The following RBMS3 variants were observed in gnomAD, a reference collection of about 807,000 sequenced individuals.
The protein encoded by RBMS3 is RNA-binding motif, single-stranded-interacting protein 3.
In RBMS3, 27 loss-of-function variants were observed where a neutral mutation model predicts 66.8. The ratio of observed to expected loss-of-function variants is 0.40; its 90% confidence interval spans 0.30 to 0.56. RBMS3 has a LOEUF of 0.56. Ranked by LOEUF, RBMS3 falls within the 20% of genes least tolerant of loss-of-function variation. The pLI is 0.40. For missense variants in RBMS3, 513 were observed against 549.5 expected (o/e 0.93, Z 0.66); for synonymous variants, 188 against 183.0 (o/e 1.03, Z -0.22).
At chr3:29,726,939 G>A (rs2053907473) in intron 4 of RBMS3, among the ~76,000 whole-genome samples, 1 of 152,126 alleles carries the variant, frequency 6.6e-6, no homozygotes, top group African/African-American at 2.4e-5. Context: ...TGAAGCTGGA[G>A]GCATCACAAT....
intron 1 of RBMS3, among the ~76,000 whole-genome samples, chr3:29,408,296 A>G (rs2040116952): frequency 6.7e-6 from 1 of 149,788 alleles, no homozygotes; most frequent in South Asian, 2.1e-4. Flanking sequence ...AAAAAAAGGA[A>G]GTAGGAAAAT....
At chr3:29,396,501 A>G (rs1335814571) in intron 1 of RBMS3, among the ~76,000 whole-genome samples, 3 of 152,160 alleles carry the variant, frequency 2.0e-5, no homozygotes, top group Admixed American at 6.5e-5. Flanking sequence ...TAACTGTACT[A>G]TAGTCTAATA....
chr3:29,599,392 A>G (rs2048069147), intron 4 of RBMS3, among the ~76,000 whole-genome samples: 1 of 151,858 alleles, frequency 6.6e-6, no homozygotes. Context: ...GCACCCACAT[A>G]AACTTTAAAA....
intron 14 of RBMS3, 101 bp downstream of exon 14, chr3:29,991,310 C>G: frequency 1.3e-6 from 2 of 1,543,214 alleles, no homozygotes; most frequent in Non-Finnish European, 1.7e-6. Context: ...ATAAACCATC[C>G]CAAACTTAGC....
intron 4 of RBMS3, among the ~76,000 whole-genome samples, chr3:29,732,620 T>C (rs967775278): frequency 9.2e-5 from 14 of 152,188 alleles, no homozygotes; most frequent in Non-Finnish European, 4.4e-5. Flanking sequence ...AGTGAGGACA[T>C]CTTTGTTCGA....
chr3:29,605,791 A>G (rs2048302518), intron 4 of RBMS3, among the ~76,000 whole-genome samples: 1 of 151,792 alleles, frequency 6.6e-6, no homozygotes, highest in Non-Finnish European at 1.5e-5. Context: ...CATGTCAAGA[A>G]TGCTAGTACT....
chr3:29,725,625 C>A (rs1354729002), intron 4 of RBMS3, among the ~76,000 whole-genome samples: 1 of 152,104 alleles, frequency 6.6e-6, no homozygotes, highest in Non-Finnish European at 1.5e-5. Flanking sequence ...TGGATAAATT[C>A]CTGGCCACAT....
chr3:29,967,818 T>C (rs1696950147), intron 12 of RBMS3, among the ~76,000 whole-genome samples: 5 of 152,216 alleles, frequency 3.3e-5, no homozygotes, highest in Admixed American at 3.3e-4. Flanking sequence ...TGTAATACTG[T>C]TTCATTTCTT....
At chr3:29,528,512 T>C (rs966782729) in intron 3 of RBMS3, among the ~76,000 whole-genome samples, 2 of 152,178 alleles carry the variant, frequency 1.3e-5, no homozygotes, top group African/African-American at 4.8e-5. Context: ...ATTATTCAAG[T>C]GTCTTTGATA....
intron 12 of RBMS3, among the ~76,000 whole-genome samples, chr3:29,976,658 G>A (rs1454652846): frequency 6.6e-6 from 1 of 152,018 alleles, no homozygotes; most frequent in African/African-American, 2.4e-5. Context: ...TCTGTGCATG[G>A]TCTCTCATCC....
intron 4 of RBMS3, among the ~76,000 whole-genome samples, chr3:29,675,383 A>G (rs917718733): frequency 2.6e-5 from 4 of 152,226 alleles, no homozygotes; most frequent in Non-Finnish European, 5.9e-5. Context: ...CTTCATGTCT[A>G]AAACACCAAA....
intron 1 of RBMS3, among the ~76,000 whole-genome samples, chr3:29,404,488 A>T (rs1363613790): frequency 6.6e-6 from 1 of 152,126 alleles, no homozygotes; most frequent in Non-Finnish European, 1.5e-5. Context: ...ACTTATATAA[A>T]TGAGTGAAGA....
At chr3:29,628,486 C>T (rs2049151919) in intron 4 of RBMS3, among the ~76,000 whole-genome samples, 1 of 152,106 alleles carries the variant, frequency 6.6e-6, no homozygotes, top group South Asian at 2.1e-4. Flanking sequence ...GTATCCAACT[C>T]TTATGACTAC....
At chr3:29,626,232 G>T (rs980643357) in intron 4 of RBMS3, among the ~76,000 whole-genome samples, 1 of 152,114 alleles carries the variant, frequency 6.6e-6, no homozygotes, top group Non-Finnish European at 1.5e-5. Flanking sequence ...CTGCGTTTGG[G>T]AGTCATTAGT....
At chr3:29,343,381 G>A (rs903568321) in intron 1 of RBMS3, among the ~76,000 whole-genome samples, 6 of 151,772 alleles carry the variant, frequency 4.0e-5, no homozygotes, top group African/African-American at 1.5e-4. Flanking sequence ...AATTGACAAA[G>A]AAGAACAATG....
intron 6 of RBMS3, among the ~76,000 whole-genome samples, chr3:29,834,792 T>C (rs1268405806): frequency 6.6e-6 from 1 of 152,026 alleles, no homozygotes; most frequent in Non-Finnish European, 1.5e-5. Flanking sequence ...CTATTCATAA[T>C]TTGTTTAAAG....
intron 5 of RBMS3, among the ~76,000 whole-genome samples, chr3:29,757,306 A>G (rs1451737131): frequency 6.6e-6 from 1 of 152,260 alleles, no homozygotes; most frequent in Non-Finnish European, 1.5e-5. Context: ...CATAGTTGCC[A>G]TGCAGAAAGC....
At chr3:29,993,109 A>ATGACT (rs1179817903) in intron 14 of RBMS3, among the ~76,000 whole-genome samples, 2 of 149,988 alleles carry the variant, frequency 1.3e-5, no homozygotes, top group African/African-American at 5.1e-5. Context: ...TGCTCAGAAT[A>ATGACT]TGACTTAAAC....
intron 3 of RBMS3, among the ~76,000 whole-genome samples, chr3:29,519,705 A>G (rs891535974): frequency 6.6e-6 from 1 of 152,196 alleles, no homozygotes; most frequent in Non-Finnish European, 1.5e-5. Context: ...ATTAAGGGAT[A>G]GATTTTACTA....
Sources: allele counts gnomAD v4.1 joint callset (sites outside exome capture counted in the v4.1 genomes callset), GRCh38; gene constraint gnomAD v4.1.1; transcripts MANE v1.5; gene names NCBI Gene and HGNC (gene_info 2026-07-23, HGNC 2026-07-21).